Variants in ARHGAP39 observed in about 807,000 individuals in gnomAD.
The protein encoded by ARHGAP39 is Rho GTPase activating protein 39.
ARHGAP39 carries 44 observed loss-of-function variants against 106.9 expected under a neutral mutation model. That is an observed-to-expected ratio of 0.41 (90% confidence interval 0.32 to 0.53). ARHGAP39 has a LOEUF of 0.53. ARHGAP39 is among the 20% of genes least tolerant of loss of function. The pLI, the probability that ARHGAP39 is intolerant of heterozygous loss-of-function variation, is 0.21. For missense variants in ARHGAP39, 1,496 were observed against 1,577.3 expected (o/e 0.95, Z 0.87); for synonymous variants, 768 against 693.2 (o/e 1.11, Z -1.69).
intron 1 of ARHGAP39, among the ~76,000 whole-genome samples, chr8:144,677,969 G>A (rs916495586): frequency 1.3e-5 from 2 of 152,202 alleles, no homozygotes. Context: ...GAAGATGGAA[G>A]CAGCCGACGT....
chr8:144,698,800 T>C, the ARHGAP39 span: 3 of 455,390 alleles, frequency 6.6e-6, no homozygotes, highest in South Asian at 4.7e-5. Context: ...CCTTGTTGGC[T>C]TGGGTATCAG....
At position 144,545,361 on chromosome 8, in the gene ARHGAP39, G is replaced by C. The variant is rs760479420; in HGVS notation, c.2409C>G (p.Arg803=). The change falls in exon 6 of 12, where the codon CGC becomes CGG. Residue 803 remains arginine (R), a synonymous_variant. Coordinates refer to ENST00000377307, the MANE Select transcript of ARHGAP39 (RefSeq NM_025251.3). Reference sequence around the variant, plus strand: ...GGCAGATGGCCATGAGCTCCCAGCCGCGGGCCAGGCTCTCCAGGCGGAAGT... The same window carrying C: ...GGCAGATGGCCATGAGCTCCCAGCCCCGGGCCAGGCTCTCCAGGCGGAAGT... ...TENFRLESLA[R]GWELMAICLA... 38 of 1,600,260 alleles carry C rather than the reference G, an allele frequency of 2.4e-5. No homozygotes were observed. The highest frequency in any genetic ancestry group is 3.2e-5 in the Non-Finnish European group (38 of 1,171,178).
intron 1 of ARHGAP39, among the ~76,000 whole-genome samples, chr8:144,648,607 GAAC>G (rs1319735143): frequency 3.0e-4 from 45 of 152,300 alleles, no homozygotes; most frequent in African/African-American, 8.7e-4. Flanking sequence ...CACTCAACAA[GAAC>G]AACAACTGCC....
intron 1 of ARHGAP39, among the ~76,000 whole-genome samples, chr8:144,682,885 C>T (rs1166065230): frequency 1.3e-5 from 2 of 152,172 alleles, no homozygotes; most frequent in East Asian, 3.9e-4. Context: ...GGTGTGGTGA[C>T]ACACACCTGT....
intron 1 of ARHGAP39, among the ~76,000 whole-genome samples, chr8:144,606,155 A>T (rs751035763): frequency 5.1e-4 from 78 of 152,244 alleles, no homozygotes; most frequent in Admixed American, 1.2e-3. Context: ...CTGGGGAAGG[A>T]CACGGGGCCA....
chr8:144,660,570 G>T (rs771572601), intron 1 of ARHGAP39, among the ~76,000 whole-genome samples: 2 of 152,174 alleles, frequency 1.3e-5, no homozygotes, highest in Non-Finnish European at 2.9e-5. Flanking sequence ...TCCGTGCTCA[G>T]CAGCCACACA....
chr8:144,607,060 G>A (rs1043658968), intron 1 of ARHGAP39, among the ~76,000 whole-genome samples: 2 of 149,980 alleles, frequency 1.3e-5, no homozygotes, highest in Non-Finnish European at 1.5e-5. Flanking sequence ...CATGTGTAAT[G>A]TGTGTGTGTA....
chr8:144,582,034 G>A (rs188165006), intron 2 of ARHGAP39, among the ~76,000 whole-genome samples: 36 of 152,336 alleles, frequency 2.4e-4, no homozygotes, highest in Admixed American at 2.0e-3. Flanking sequence ...CCGGGCTGGT[G>A]AGGTGTCTCG....
chr8:144,674,275 G>A (rs1822175741), intron 1 of ARHGAP39, among the ~76,000 whole-genome samples: 1 of 152,208 alleles, frequency 6.6e-6, no homozygotes. Context: ...GAGGTGGAGA[G>A]GAGCTTCACT....
upstream of ARHGAP39, among the ~76,000 whole-genome samples, chr8:144,686,928 C>T (rs1206898617): frequency 2.0e-3 from 89 of 44,524 alleles, 1 homozygote; most frequent in Middle Eastern, 0.015. Flanking sequence ...ACACTGGCGG[C>T]GACCATTTCC....
At chr8:144,570,352 C>CG (rs749838129) in intron 3 of ARHGAP39, among the ~76,000 whole-genome samples, 1 of 152,180 alleles carries the variant, frequency 6.6e-6, no homozygotes, top group Non-Finnish European at 1.5e-5. Context: ...AAACAAAAGA[C>CG]GGGTGTTTGG....
intron 1 of ARHGAP39, among the ~76,000 whole-genome samples, chr8:144,629,443 C>A (rs2130976636): frequency 6.6e-6 from 1 of 152,310 alleles, no homozygotes; most frequent in Admixed American, 6.5e-5. Flanking sequence ...TGGGCCCTGG[C>A]AGATGTTAGA....
chr8:144,663,169 C>A (rs1031415058), intron 1 of ARHGAP39, among the ~76,000 whole-genome samples: 8 of 151,724 alleles, frequency 5.3e-5, no homozygotes, highest in Non-Finnish European at 1.5e-5. Flanking sequence ...CCTGGTTAAC[C>A]TTCCTCACTT....
intron 3 of ARHGAP39, among the ~76,000 whole-genome samples, chr8:144,566,175 C>T (rs910631418): frequency 6.6e-6 from 1 of 152,076 alleles, no homozygotes; most frequent in African/African-American, 2.4e-5. Flanking sequence ...CTGAGAGGTC[C>T]AAGAAGCTAC....
intron 1 of ARHGAP39, among the ~76,000 whole-genome samples, chr8:144,649,088 G>A (rs1185632544): frequency 6.6e-6 from 1 of 152,070 alleles, no homozygotes; most frequent in Non-Finnish European, 1.5e-5. Context: ...AAATTAATAA[G>A]ATAGATAGGC....
At chr8:144,533,101 C>T (rs1484358098) in intron 9 of ARHGAP39, 25 bp downstream of exon 9, 6 of 1,589,836 alleles carry the variant, frequency 3.8e-6, no homozygotes, top group Admixed American at 1.7e-5. Flanking sequence ...GCCCCCACAC[C>T]CGGCGCCCGG....
At chr8:144,570,160 G>A (rs1286691233) in intron 3 of ARHGAP39, among the ~76,000 whole-genome samples, 1 of 152,230 alleles carries the variant, frequency 6.6e-6, no homozygotes, top group African/African-American at 2.4e-5. Flanking sequence ...GGCAGAGGTT[G>A]CAGTGAGCCG....
chr8:144,538,575 T>G (rs1817058455), intron 6 of ARHGAP39, among the ~76,000 whole-genome samples: 1 of 152,218 alleles, frequency 6.6e-6, no homozygotes, highest in Admixed American at 6.5e-5. Flanking sequence ...TTTTTTCTTC[T>G]TTTTGAGATA....
intron 2 of ARHGAP39, among the ~76,000 whole-genome samples, chr8:144,594,952 G>A (rs1332508262): frequency 6.6e-6 from 1 of 152,104 alleles, no homozygotes; most frequent in South Asian, 2.1e-4. Flanking sequence ...CGAAGTGGGA[G>A]GATCGCTTCA....
Sources: allele counts gnomAD v4.1 joint callset (sites outside exome capture counted in the v4.1 genomes callset), GRCh38; gene constraint gnomAD v4.1.1; transcripts MANE v1.5; gene names NCBI Gene and HGNC (gene_info 2026-07-23, HGNC 2026-07-21).